Variants in NHERF4 observed in about 807,000 individuals in gnomAD.
The protein encoded by NHERF4 is NHERF family PDZ scaffold protein 4.
chr11:119,188,671 A>C, the NHERF4 span: 1 of 1,614,170 alleles, frequency 6.2e-7, no homozygotes, highest in Non-Finnish European at 8.5e-7. Context: ...TTCTTGGAGA[A>C]CACAGAGGCT....
the NHERF4 span, chr11:119,185,964 G>A: frequency 2.3e-4 from 372 of 1,614,118 alleles, 4 homozygotes; most frequent in South Asian, 3.8e-3. Context: ...TAAGTGCCAC[G>A]AGGGTTGGGG....
chr11:119,189,959 C>T, the NHERF4 span: 1 of 347,022 alleles, frequency 2.9e-6, no homozygotes, highest in East Asian at 5.3e-5. The surrounding 1 kb of genome is among the most constrained non-coding windows in gnomAD (Gnocchi z 5.8). Flanking sequence ...ATCTGACTGC[C>T]TGTGTTTGTG....
the NHERF4 span, chr11:119,187,471 G>A: frequency 6.2e-7 from 1 of 1,613,874 alleles, no homozygotes; most frequent in Non-Finnish European, 8.5e-7. Context: ...TGAGCCCAGA[G>A]GGTGCGAGGG....
chr11:119,186,653 T>C, the NHERF4 span: 1 of 1,611,048 alleles, frequency 6.2e-7, no homozygotes, highest in South Asian at 1.1e-5. This position sits in a 1 kb window ranked among gnomAD's most constrained non-coding sequence, Gnocchi z 4.4. Flanking sequence ...ATCCTGGCGG[T>C]GAACAATGAT....
At chr11:119,186,704 C>T in the NHERF4 span, 5,265 of 1,585,716 alleles carry the variant, frequency 3.3e-3, 10 homozygotes, top group Non-Finnish European at 4.1e-3. The surrounding 1 kb of genome is among the most constrained non-coding windows in gnomAD (Gnocchi z 4.4). Flanking sequence ...AGGCTGTGGT[C>T]CAGGAGAGCA....
the NHERF4 span, chr11:119,187,554 T>C: frequency 6.3e-7 from 1 of 1,597,982 alleles, no homozygotes; most frequent in Non-Finnish European, 8.5e-7. Flanking sequence ...CTTTTTTTTT[T>C]AATTTCTAGG....
the NHERF4 span, chr11:119,185,562 C>T: frequency 3.2e-6 from 5 of 1,559,794 alleles, no homozygotes; most frequent in East Asian, 1.1e-4. Context: ...AGGCAGGGGG[C>T]CGACTTGGAG....
the NHERF4 span, chr11:119,187,923 C>A: frequency 6.5e-7 from 1 of 1,533,796 alleles, no homozygotes; most frequent in Non-Finnish European, 8.8e-7. Flanking sequence ...TACTGATGCC[C>A]TGCTGGGTCC....
chr11:119,185,551 C>T, the NHERF4 span: 1 of 1,595,926 alleles, frequency 6.3e-7, no homozygotes. Flanking sequence ...GACTTTGGGA[C>T]AGGCAGGGGG....
the NHERF4 span, chr11:119,188,386 G>A: frequency 6.2e-7 from 1 of 1,614,062 alleles, no homozygotes; most frequent in Non-Finnish European, 8.5e-7. Context: ...ACCCGGGACT[G>A]CCAGCCAAGA....
the NHERF4 span, chr11:119,186,304 C>T: frequency 8.4e-5 from 134 of 1,589,014 alleles, no homozygotes; most frequent in African/African-American, 1.4e-3. The surrounding 1 kb of genome is among the most constrained non-coding windows in gnomAD (Gnocchi z 4.4). Context: ...TAGGAGGGGC[C>T]GGGTGTTTTC....
the NHERF4 span, chr11:119,186,036 T>C: frequency 6.2e-7 from 1 of 1,610,984 alleles, no homozygotes; most frequent in African/African-American, 1.3e-5. The surrounding 1 kb of genome is among the most constrained non-coding windows in gnomAD (Gnocchi z 4.4). Flanking sequence ...CTAAAGGAGA[T>C]CCTGGGACCC....
the NHERF4 span, chr11:119,187,410 G>A: frequency 5.0e-6 from 8 of 1,614,146 alleles, no homozygotes; most frequent in South Asian, 7.7e-5. Context: ...GGCCCCGGCT[G>A]TGCCACATAG....
chr11:119,185,503 A>C, the NHERF4 span: 2 of 1,614,068 alleles, frequency 1.2e-6, no homozygotes, highest in Non-Finnish European at 1.7e-6. Context: ...CTATGGAGAA[A>C]GCCGCAGGTA....
the NHERF4 span, chr11:119,186,031 G>A: frequency 3.1e-6 from 5 of 1,611,616 alleles, no homozygotes; most frequent in Non-Finnish European, 4.2e-6. This position sits in a 1 kb window ranked among gnomAD's most constrained non-coding sequence, Gnocchi z 4.4. Flanking sequence ...AGCACCTAAA[G>A]GAGATCCTGG....
At chr11:119,185,513 A>C in the NHERF4 span, 4 of 1,613,920 alleles carry the variant, frequency 2.5e-6, 1 homozygote, top group Non-Finnish European at 2.5e-6. Context: ...AGCCGCAGGT[A>C]GGAGGCCAGG....
At chr11:119,188,874 G>C in the NHERF4 span, 1 of 1,613,354 alleles carries the variant, frequency 6.2e-7, no homozygotes, top group Non-Finnish European at 8.5e-7. Context: ...CCAGGTGACT[G>C]ATGCCCCATG....
the NHERF4 span, chr11:119,189,274 A>C: frequency 1.3e-6 from 2 of 1,532,108 alleles, no homozygotes; most frequent in Admixed American, 3.8e-5. The surrounding 1 kb of genome is among the most constrained non-coding windows in gnomAD (Gnocchi z 5.8). Flanking sequence ...AAAGAAGGGC[A>C]GAGTGGGCGA....
At chr11:119,188,034 T>G in the NHERF4 span, 1 of 1,556,946 alleles carries the variant, frequency 6.4e-7, no homozygotes, top group Non-Finnish European at 8.7e-7. Flanking sequence ...GCTGCACCCC[T>G]GGCAGAGGGC....
Sources: allele counts gnomAD v4.1 joint callset, GRCh38; gene constraint gnomAD v4.1.1; non-coding constraint Gnocchi (gnomAD v3.1); transcripts MANE v1.5; gene names NCBI Gene and HGNC (gene_info 2026-07-23, HGNC 2026-07-21).